The following NCAM1 variants were observed in gnomAD, a reference collection of about 807,000 sequenced individuals.
NCAM1 encodes neural cell adhesion molecule 1.
In NCAM1, 14 loss-of-function variants were observed where a neutral mutation model predicts 109.8. The ratio of observed to expected loss-of-function variants is 0.13; its 90% CI spans 0.08 to 0.20. The LOEUF (loss-of-function observed/expected upper bound fraction) is 0.20, where lower values mean the gene tolerates loss of function less well. NCAM1 is among the 10% of genes least tolerant of loss of function. The probability of loss-of-function intolerance (pLI) is 1.00; values close to 1 mark genes in which losing one functional copy is unlikely to be tolerated. For missense variants in NCAM1, 774 were observed against 1,109.9 expected (o/e 0.70, Z 4.30); for synonymous variants, 418 against 442.9 (o/e 0.94, Z 0.70).
intron 1 of NCAM1, among the ~76,000 whole-genome samples, chr11:113,060,532 G>A (rs1206920343): frequency 6.6e-6 from 1 of 152,116 alleles, no homozygotes; most frequent in Admixed American, 6.5e-5. Flanking sequence ...TTTGAAGTTG[G>A]TTTAGAAAGA....
chr11:113,082,994 G>A (rs926574175), intron 1 of NCAM1, among the ~76,000 whole-genome samples: 2 of 151,610 alleles, frequency 1.3e-5, no homozygotes, highest in African/African-American at 4.8e-5. Context: ...TTTCAAAGAG[G>A]CAGCCATATC....
At chr11:113,003,766 A>G (rs1951816904) in intron 1 of NCAM1, 1 of 152,236 alleles carries the variant, frequency 6.6e-6, no homozygotes, top group South Asian at 2.1e-4. Context: ...ATCATGCTGA[A>G]CCAATTGGGC....
intron 1 of NCAM1, among the ~76,000 whole-genome samples, chr11:113,132,626 G>C (rs1344306532): frequency 6.6e-6 from 1 of 150,964 alleles, no homozygotes; most frequent in Non-Finnish European, 1.5e-5. Context: ...GTGTGTGTGT[G>C]TGTGTGTGTG....
chr11:112,999,485 T>G (rs1445683622), intron 1 of NCAM1, among the ~76,000 whole-genome samples: 3 of 152,162 alleles, frequency 2.0e-5, no homozygotes, highest in East Asian at 3.8e-4. Flanking sequence ...TATTTCTTTT[T>G]TTGTTTTTTA....
chr11:113,216,018 A>G (rs992746193), intron 8 of NCAM1, among the ~76,000 whole-genome samples: 5 of 152,206 alleles, frequency 3.3e-5, no homozygotes, highest in Non-Finnish European at 7.3e-5. Context: ...CAGATGAATG[A>G]TGCTTTTGAA....
At chr11:113,003,266 A>G (rs543904449) in intron 1 of NCAM1, among the ~76,000 whole-genome samples, 1 of 152,374 alleles carries the variant, frequency 6.6e-6, no homozygotes, top group Admixed American at 6.5e-5. Flanking sequence ...TCTCCATATC[A>G]GAAGAGTACT....
chr11:113,236,510 C>G (rs563547792), intron 14 of NCAM1, among the ~76,000 whole-genome samples: 14 of 152,302 alleles, frequency 9.2e-5, no homozygotes, highest in Non-Finnish European at 2.1e-4. Context: ...GAGGCTAACA[C>G]TCTTCCTGTT....
chr11:112,994,838 G>A (rs1339178582), intron 1 of NCAM1, among the ~76,000 whole-genome samples: 3 of 152,078 alleles, frequency 2.0e-5, no homozygotes, highest in Non-Finnish European at 2.9e-5. Context: ...TAGAAATCTT[G>A]TAATCTTTGT....
At chr11:113,015,544 TG>T (rs767936530) in intron 1 of NCAM1, among the ~76,000 whole-genome samples, 1 of 152,066 alleles carries the variant, frequency 6.6e-6, no homozygotes, top group Non-Finnish European at 1.5e-5. Context: ...GAGACCAGCC[TG>T]GCCAACATGG....
chr11:113,234,816 C>T (rs559335236), intron 13 of NCAM1, among the ~76,000 whole-genome samples: 11 of 152,314 alleles, frequency 7.2e-5, no homozygotes, highest in African/African-American at 1.4e-4. Context: ...GTCTGCCTTT[C>T]GGCTATTGTG....
chr11:113,018,969 G>A (rs368850489), intron 1 of NCAM1, among the ~76,000 whole-genome samples: 1 of 152,048 alleles, frequency 6.6e-6, no homozygotes, highest in African/African-American at 2.4e-5. Flanking sequence ...AGAGAGTTAA[G>A]TTTCTAATTT....
intron 16 of NCAM1, among the ~76,000 whole-genome samples, chr11:113,258,998 A>G (rs1555122754): frequency 6.6e-6 from 1 of 152,210 alleles, no homozygotes; most frequent in Non-Finnish European, 1.5e-5. Context: ...AAATGTGTGT[A>G]AAGCTTTTGT....
intron 8 of NCAM1, among the ~76,000 whole-genome samples, chr11:113,217,163 G>C (rs762267219): frequency 2.6e-5 from 4 of 152,168 alleles, no homozygotes; most frequent in Non-Finnish European, 5.9e-5. Context: ...ACCTTTTGAG[G>C]TCATCCAGTC....
intron 1 of NCAM1, among the ~76,000 whole-genome samples, chr11:113,178,520 G>A (rs923873719): frequency 3.3e-5 from 5 of 152,232 alleles, no homozygotes; most frequent in South Asian, 2.1e-4. Flanking sequence ...CCTCATATCC[G>A]TGGACTCTGA....
chr11:113,098,980 C>T lies in NCAM1; in HGVS notation c.53-103399C>T, dbSNP rs188071596. ...AACTATTATGGAAGTTGCTTCCCTT[C>T]TCTGACGTATCTCTCAGTGACAGTA... On this transcript the variant is annotated intron_variant, in intron 1 of 19. Coordinates refer to ENST00000316851, the MANE Select transcript of NCAM1 (RefSeq NM_181351.5). Among the ~76,000 whole-genome samples, 1,275 of 152,294 alleles carry T rather than the reference C, an allele frequency of 8.4e-3. 7 individuals carry two copies. Among genetic ancestry groups the T allele is most frequent in the Non-Finnish European group, 0.011 (782 of 68,028 alleles).
chr11:113,030,307 C>T (rs1483156995), intron 1 of NCAM1, among the ~76,000 whole-genome samples: 3 of 152,148 alleles, frequency 2.0e-5, no homozygotes, highest in South Asian at 4.1e-4. Context: ...GACTTAGTTC[C>T]TCTCTTCTCT....
intron 14 of NCAM1, chr11:113,243,806 C>T (rs1945418158): frequency 8.1e-6 from 2 of 247,528 alleles, no homozygotes; most frequent in South Asian, 8.9e-5. Context: ...CAAAGTATAA[C>T]TCCAGCTCCC....
chr11:113,093,088 C>T (rs1939426372), intron 1 of NCAM1, among the ~76,000 whole-genome samples: 1 of 152,144 alleles, frequency 6.6e-6, no homozygotes, highest in Non-Finnish European at 1.5e-5. Flanking sequence ...AAATGAAGAA[C>T]AAACACCGAG....
chr11:113,019,578 C>A (rs1952323366), intron 1 of NCAM1, among the ~76,000 whole-genome samples: 1 of 152,168 alleles, frequency 6.6e-6, no homozygotes, highest in African/African-American at 2.4e-5. Flanking sequence ...TGGCCATCTT[C>A]TTTTCTTTTA....
Sources: gnomAD v4.1 joint callset for allele counts (sites outside exome capture counted in the v4.1 genomes callset) on GRCh38, gnomAD v4.1.1 for gene constraint, MANE v1.5 for transcripts, NCBI Gene and HGNC (gene_info 2026-07-23, HGNC 2026-07-21) for gene names.